TMTC2: variants seen among roughly 807,000 people sequenced by gnomAD.
The protein encoded by TMTC2 is protein O-mannosyl-transferase TMTC2.
In TMTC2, 43 loss-of-function variants were observed where a neutral mutation model predicts 82.4. The observed-to-expected ratio is 0.52, with a 90% CI of 0.41 to 0.67. The LOEUF is 0.67. Ranked by LOEUF, TMTC2 falls within the 30% of genes least tolerant of loss-of-function variation. TMTC2 has a pLI of 0.00. For missense variants in TMTC2, 919 were observed against 1,012.4 expected, an observed-to-expected ratio of 0.91 and a Z score of 1.25; for synonymous variants, 408 against 381.9, an observed-to-expected ratio of 1.07 and a Z score of -0.80.
rs757310320 is a variant in TMTC2, at chr12:82,687,544, G to T, written c.-43G>T. 6.4e-7 allele frequency: 1 copy of T among 1,561,788 alleles called. No individual in the cohort carries two copies. The highest frequency in any genetic ancestry group is 8.7e-7 in the Non-Finnish European group (1 of 1,148,912). On this transcript the variant is annotated 5_prime_UTR_variant, in exon 1 of 12. Transcript: ENST00000321196. ...GCTTCTGTTTTTTGTTGCCGCTGCT[G>T]CCCTCGCGCTGGGAGCCGAGCCGGA...
chr12:83,034,436 G>A (rs1881581415), intron 9 of TMTC2, among the ~76,000 whole-genome samples: 1 of 152,162 alleles, frequency 6.6e-6, no homozygotes, highest in Admixed American at 6.5e-5. Flanking sequence ...AGGCCACAGA[G>A]GAACCAGAAG....
At chr12:82,891,330 A>C (rs1796190) in intron 2 of TMTC2, among the ~76,000 whole-genome samples, 25,973 of 152,022 alleles carry the variant, frequency 0.17, 5,135 homozygotes, top group African/African-American at 0.48. Flanking sequence ...TTTTTTGAGA[A>C]GAAGTTTGGC....
chr12:82,764,788 G>T (rs1046093569), intron 1 of TMTC2, among the ~76,000 whole-genome samples: 1 of 854 alleles, frequency 1.2e-3, no homozygotes, highest in African/African-American at 1.2e-3. Flanking sequence ...TCATGTAAGA[G>T]GGGGGTAGGG....
At chr12:82,858,196 C>T (rs780588749) in intron 2 of TMTC2, among the ~76,000 whole-genome samples, 5 of 152,200 alleles carry the variant, frequency 3.3e-5, no homozygotes, top group African/African-American at 7.2e-5. Flanking sequence ...TTTGTTCTCC[C>T]GTATTCCCTT....
chr12:83,023,222 A>G (rs10862553), intron 8 of TMTC2, among the ~76,000 whole-genome samples: 90,105 of 152,042 alleles, frequency 0.59, 27,243 homozygotes, highest in South Asian at 0.73. Context: ...GAAATTTTTT[A>G]ATAGATGAAT....
chr12:82,736,146 G>A (rs915010788), intron 1 of TMTC2, among the ~76,000 whole-genome samples: 1 of 152,122 alleles, frequency 6.6e-6, no homozygotes, highest in African/African-American at 2.4e-5. Context: ...GGATAAAGAA[G>A]TTAAATAAAC....
chr12:82,800,454 G>A (rs1044495824), intron 1 of TMTC2, among the ~76,000 whole-genome samples: 1 of 152,148 alleles, frequency 6.6e-6, no homozygotes, highest in Non-Finnish European at 1.5e-5. Flanking sequence ...TCAGCACCCA[G>A]CTGGACACCA....
chr12:82,948,635 A>G (rs1877166392), intron 4 of TMTC2, among the ~76,000 whole-genome samples: 1 of 152,180 alleles, frequency 6.6e-6, no homozygotes, highest in Non-Finnish European at 1.5e-5. Flanking sequence ...TTAACAGCAG[A>G]CTTTCATTAG....
rs556647517 is a variant in TMTC2, at chr12:82,718,479, T to C, written c.83+30810T>C. ...AGCTGCAGAAGCCCAGAACATAAAGTATTCATGGCCACAAATCTATTAAGT... is the reference window on the plus strand; with the variant it reads ...AGCTGCAGAAGCCCAGAACATAAAGCATTCATGGCCACAAATCTATTAAGT... On this transcript the variant is annotated intron_variant, in intron 1 of 11. Transcript: ENST00000321196. 2.0e-4 allele frequency among the ~76,000 whole-genome samples: 30 copies of C among 152,312 alleles called. 1 individual carries two copies. The South Asian group carries it at 6.0e-3, about 30-fold the overall frequency.
chr12:82,790,550 C>T (rs559620617), intron 1 of TMTC2, among the ~76,000 whole-genome samples: 2 of 151,846 alleles, frequency 1.3e-5, no homozygotes, highest in East Asian at 1.9e-4. Flanking sequence ...TTCTTGTGGC[C>T]GGGCGCGGTG....
intron 2 of TMTC2, among the ~76,000 whole-genome samples, chr12:82,879,558 G>A (rs188428814): frequency 1.4e-4 from 22 of 152,304 alleles, no homozygotes; most frequent in Admixed American, 2.6e-4. Flanking sequence ...AGGCCATGGA[G>A]CAGGACCGGT....
intron 8 of TMTC2, among the ~76,000 whole-genome samples, chr12:83,004,722 ATTTTTTTTTTTTTTTTTTTTTTTTTTTT>A (rs528076999): frequency 5.3e-4 from 19 of 36,034 alleles, no homozygotes; most frequent in African/African-American, 1.0e-3. Flanking sequence ...TACTGGCCGA[ATTTTTTTTTTTTTTTTTTTTTTTTTTTT>A]TTTTTTTTTT....
intron 2 of TMTC2, among the ~76,000 whole-genome samples, chr12:82,894,189 C>T (rs1873538074): frequency 6.6e-6 from 1 of 151,972 alleles, no homozygotes; most frequent in South Asian, 2.1e-4. Context: ...GTGAATATGC[C>T]CAGTAGGCAA....
chr12:82,764,230 C>T (rs1000132208), intron 1 of TMTC2, among the ~76,000 whole-genome samples: 47 of 152,214 alleles, frequency 3.1e-4, no homozygotes, highest in African/African-American at 1.0e-3. Context: ...CTCCGCCTCC[C>T]GGGTTCAAGC....
At chr12:82,831,082 C>A (rs773645387) in intron 1 of TMTC2, among the ~76,000 whole-genome samples, 6 of 152,174 alleles carry the variant, frequency 3.9e-5, no homozygotes, top group Non-Finnish European at 7.3e-5. Context: ...GATATTTGTT[C>A]TGGGTGATAG....
chr12:82,997,414 A>G (rs56276332), intron 8 of TMTC2, among the ~76,000 whole-genome samples: 300 of 29,426 alleles, frequency 0.01, no homozygotes, highest in South Asian at 0.046. Flanking sequence ...ATATATGTGT[A>G]TATATATATA....
At chr12:83,083,952 G>T (rs1883561245) in intron 11 of TMTC2, among the ~76,000 whole-genome samples, 1 of 152,168 alleles carries the variant, frequency 6.6e-6, no homozygotes, top group Admixed American at 6.5e-5. Context: ...AGATAATGTC[G>T]ACTTTTAACT....
At chr12:82,782,386 G>A (rs768344857) in intron 1 of TMTC2, among the ~76,000 whole-genome samples, 5 of 152,064 alleles carry the variant, frequency 3.3e-5, no homozygotes, top group Non-Finnish European at 5.9e-5. Flanking sequence ...ACTAAATATA[G>A]GTCTCAGAAT....
intron 8 of TMTC2, among the ~76,000 whole-genome samples, chr12:83,010,156 A>G (rs925192668): frequency 2.0e-5 from 3 of 152,262 alleles, no homozygotes; most frequent in African/African-American, 7.2e-5. Flanking sequence ...AGCTGCTAAT[A>G]TTGTATAAAC....
Sources: gnomAD v4.1 joint callset for allele counts (sites outside exome capture counted in the v4.1 genomes callset) on GRCh38, gnomAD v4.1.1 for gene constraint, MANE v1.5 for transcripts, NCBI Gene and HGNC (gene_info 2026-07-23, HGNC 2026-07-21) for gene names.